Variants in CNTNAP3B observed in about 807,000 individuals in gnomAD.
The protein encoded by CNTNAP3B is contactin-associated protein-like 3B.
Under a neutral mutation model 108.9 loss-of-function variants are expected in CNTNAP3B, and 25 were observed. That is an observed-to-expected ratio of 0.23 (90% CI 0.17 to 0.32). The LOEUF (loss-of-function observed/expected upper bound fraction) is 0.32, where lower values mean the gene tolerates loss of function less well. Ranked by LOEUF, CNTNAP3B falls within the 10% of genes least tolerant of loss-of-function variation. The pLI is 1.00. For missense variants in CNTNAP3B, 252 were observed against 1,210.4 expected, an observed-to-expected ratio of 0.21 and a Z score of 11.75; for synonymous variants, 103 against 473.4, an observed-to-expected ratio of 0.22 and a Z score of 10.16.
intron 13 of CNTNAP3B, among the ~76,000 whole-genome samples, chr9:41,943,709 A>C (rs1824435619): frequency 2.7e-5 from 4 of 150,382 alleles, no homozygotes; most frequent in Admixed American, 6.6e-5. Context: ...GAATACCAGA[A>C]GTAGAAGGAA....
At chr9:42,122,714 G>T (rs1192015429) in intron 1 of CNTNAP3B, among the ~76,000 whole-genome samples, 1 of 139,526 alleles carries the variant, frequency 7.2e-6, no homozygotes. Context: ...TCTTCAAAAA[G>T]TCATCTAAAA....
At chr9:42,056,148 A>T (rs1827062508) in intron 3 of CNTNAP3B, among the ~76,000 whole-genome samples, 2 of 133,060 alleles carry the variant, frequency 1.5e-5, no homozygotes, top group African/African-American at 5.9e-5. Flanking sequence ...ATACTATTTA[A>T]TTTTAAGAGA....
intron 13 of CNTNAP3B, among the ~76,000 whole-genome samples, chr9:41,942,540 G>A (rs1330198547): frequency 6.6e-6 from 1 of 151,042 alleles, no homozygotes; most frequent in Admixed American, 6.6e-5. Context: ...GAACCCGGGA[G>A]ACGGAGCTTG....
chr9:42,021,866 A>T lies in CNTNAP3B; in HGVS notation c.391-8341T>A, dbSNP rs188889668. On this transcript the variant is annotated intron_variant, in intron 3 of 23. Transcript: ENST00000377561. ...GTGAAATTGAAACTGCCTTTGCACA[A>T]ATTCTAACAGTGACAAAATTATGGC... 3.1e-3 allele frequency among the ~76,000 whole-genome samples: 429 copies of T among 137,434 alleles called. 17 individuals are homozygous for T. Among genetic ancestry groups the T allele is most frequent in the Non-Finnish European group, 2.7e-3 (173 of 64,536 alleles). The allele number at this position is 137,434 out of a possible 152,430, so 90.2% of individuals were successfully genotyped here.
At chr9:42,093,072 C>T (rs182445516) in intron 2 of CNTNAP3B, among the ~76,000 whole-genome samples, 1,130 of 96,680 alleles carry the variant, frequency 0.012, 385 homozygotes, top group Non-Finnish European at 0.019. Flanking sequence ...AATTGCCGGG[C>T]GCGGTGGCTC....
intron 13 of CNTNAP3B, among the ~76,000 whole-genome samples, chr9:41,943,182 A>G (rs1308343609): frequency 6.6e-6 from 1 of 152,294 alleles, no homozygotes; most frequent in South Asian, 2.1e-4. Context: ...TTAAAAGTAA[A>G]CATTGTAGAG....
chr9:42,030,149 A>G (rs1826485739), intron 3 of CNTNAP3B, among the ~76,000 whole-genome samples: 1 of 94,518 alleles, frequency 1.1e-5, no homozygotes, highest in Non-Finnish European at 2.0e-5. Flanking sequence ...GTCTCAAAAA[A>G]AAAAAGAAAA....
intron 12 of CNTNAP3B, among the ~76,000 whole-genome samples, chr9:41,956,242 CG>C (rs1564157560): frequency 6.6e-6 from 1 of 151,814 alleles, no homozygotes; most frequent in African/African-American, 2.4e-5. Context: ...AAAAATTAGC[CG>C]GGCGTGGTGG....
At chr9:41,917,680 T>C (rs1294932085) in intron 18 of CNTNAP3B, among the ~76,000 whole-genome samples, 1 of 148,678 alleles carries the variant, frequency 6.7e-6, no homozygotes, top group Non-Finnish European at 1.5e-5. Context: ...CTGCCACACC[T>C]GAAGACCTTA....
At chr9:41,938,578 T>A (rs1336837075) in intron 13 of CNTNAP3B, among the ~76,000 whole-genome samples, 178 bp from the exon 14 acceptor site, 1 of 152,294 alleles carries the variant, frequency 6.6e-6, no homozygotes, top group African/African-American at 2.4e-5. Context: ...GCCTAACCAA[T>A]GTTTTTCCCC....
Position 42,044,907 on chromosome 9 carries a change from T to G in CNTNAP3B, c.391-31382A>C, listed in dbSNP as rs180772767. Among the ~76,000 whole-genome samples, 2 of 103,720 alleles carry G rather than the reference T, an allele frequency of 1.9e-5. 1 individual carries two copies. The highest frequency in any genetic ancestry group is 1.0e-3 in the East Asian group (2 of 1,946). 68.0% of individuals were successfully genotyped at this position (103,720 alleles called of 152,430 possible). On this transcript the variant is annotated intron_variant, in intron 3 of 23. Transcript: ENST00000377561. ...GAGCAAGCTGAAAGCAATAAAAATGTACTGGACTGTGATAAAAAGGACATT... is the reference window on the plus strand; with the variant it reads ...GAGCAAGCTGAAAGCAATAAAAATGGACTGGACTGTGATAAAAAGGACATT...
chr9:42,127,214 G>A (rs142398978), intron 1 of CNTNAP3B, among the ~76,000 whole-genome samples: 2 of 138,310 alleles, frequency 1.4e-5, no homozygotes, highest in Non-Finnish European at 1.5e-5. Context: ...TCAGCAACTC[G>A]CGAGAGTCCC....
In CNTNAP3B at chr9:41,999,635, T is replaced by G. The variant is rs1039480237; in HGVS notation, c.539-1031A>C. Among the ~76,000 whole-genome samples, 3 of 96,318 alleles carry G rather than the reference T, an allele frequency of 3.1e-5. 1 individual carries two copies. The highest frequency in any genetic ancestry group is 2.2e-4 in the Admixed American group (2 of 8,956). The allele number at this position is 96,318 out of a possible 152,430, so 63.2% of individuals were successfully genotyped here. A position where few individuals can be genotyped will look rare whatever the true frequency, so the allele number is the denominator to read the frequency against. On this transcript the variant is annotated intron_variant, in intron 4 of 23. Transcript: ENST00000377561. ...CCTGACTGACAAAGGCACAGAGGTTTTGTTTTCTTGGATGCTTTGTTGAGA... is the reference window on the plus strand; with the variant it reads ...CCTGACTGACAAAGGCACAGAGGTTGTGTTTTCTTGGATGCTTTGTTGAGA...
chr9:41,965,079 C>A (rs1397578016), intron 10 of CNTNAP3B, among the ~76,000 whole-genome samples: 1 of 152,284 alleles, frequency 6.6e-6, no homozygotes, highest in East Asian at 1.9e-4. Flanking sequence ...GACAGAGGTT[C>A]AGAAATTTTG....
chr9:41,959,415 A>G (rs1195255479), intron 12 of CNTNAP3B, among the ~76,000 whole-genome samples: 1 of 152,292 alleles, frequency 6.6e-6, no homozygotes, highest in Non-Finnish European at 1.5e-5. Flanking sequence ...GAGTTTAGTG[A>G]TTCCCCTACC....
intron 13 of CNTNAP3B, among the ~76,000 whole-genome samples, chr9:41,940,436 G>A (rs967701612): frequency 3.9e-5 from 6 of 152,302 alleles, no homozygotes; most frequent in African/African-American, 7.2e-5. Context: ...AGAAGGAATG[G>A]CATATTTTTT....
chr9:42,118,657 T>C (rs1828379988), intron 1 of CNTNAP3B, among the ~76,000 whole-genome samples: 1 of 111,762 alleles, frequency 8.9e-6, no homozygotes, highest in African/African-American at 3.6e-5. Context: ...TTCAACATAG[T>C]GTTGGAAGTT....
intron 3 of CNTNAP3B, among the ~76,000 whole-genome samples, chr9:42,070,202 TC>T (rs1454117223): frequency 6.6e-6 from 1 of 151,448 alleles, no homozygotes; most frequent in East Asian, 1.9e-4. Flanking sequence ...TTCTCTAACT[TC>T]CTGAGTGTTG....
At chr9:41,965,011 C>T (rs1199153242) in intron 10 of CNTNAP3B, among the ~76,000 whole-genome samples, 1 of 152,224 alleles carries the variant, frequency 6.6e-6, no homozygotes, top group African/African-American at 2.4e-5. Context: ...GAAGGGGAAA[C>T]AGGGAGGAAG....
Sources: allele counts gnomAD v4.1 joint callset (sites outside exome capture counted in the v4.1 genomes callset), GRCh38; gene constraint gnomAD v4.1.1; transcripts MANE v1.5; gene names NCBI Gene and HGNC (gene_info 2026-07-23, HGNC 2026-07-21).